The following TENT2 variants were observed in gnomAD, a reference collection of about 807,000 sequenced individuals.
TENT2 encodes terminal nucleotidyltransferase 2.
TENT2 carries 44 observed loss-of-function variants against 72.2 expected under a neutral mutation model. The ratio of observed to expected loss-of-function variants is 0.61; its 90% CI spans 0.48 to 0.78. The LOEUF is 0.78. Among genes scored for constraint, TENT2 ranks in the 30% least tolerant of loss-of-function variants. The pLI is 0.00. For synonymous variants in TENT2, 212 were observed against 192.5 expected (o/e 1.10, Z -0.84); for missense variants, 541 against 569.6 (o/e 0.95, Z 0.51).
intron 12 of TENT2, among the ~76,000 whole-genome samples, chr5:79,678,001 CAGAGT>C (rs1818600378): frequency 1.3e-5 from 2 of 152,080 alleles, no homozygotes; most frequent in African/African-American, 4.8e-5. Flanking sequence ...AACAATAGAG[CAGAGT>C]AGTCTTTCTG....
At chr5:79,623,616 A>G in intron 4 of TENT2, 127 bp downstream of exon 4, 2 of 540,678 alleles carry the variant, frequency 3.7e-6, no homozygotes, top group Admixed American at 3.8e-5. Flanking sequence ...TTAAAGTACT[A>G]TTCAGCCTAA....
intron 9 of TENT2, 101 bp from the exon 10 acceptor site, chr5:79,648,961 G>A (rs35557579): frequency 0.042 from 53,491 of 1,286,394 alleles, 1,376 homozygotes; most frequent in Non-Finnish European, 0.047. Flanking sequence ...AATATACACG[G>A]AGACAGTGTT....
chr5:79,639,143 T>C (rs1782487162), intron 4 of TENT2, among the ~76,000 whole-genome samples: 1 of 145,326 alleles, frequency 6.9e-6, no homozygotes, highest in Admixed American at 6.9e-5. Flanking sequence ...AAAGGACGCC[T>C]TTTTTTTTTT....
chr5:79,675,059 G>C (rs1262506572), intron 12 of TENT2, among the ~76,000 whole-genome samples: 1 of 152,034 alleles, frequency 6.6e-6, no homozygotes, highest in Non-Finnish European at 1.5e-5. Flanking sequence ...AATTCAATAT[G>C]GATAATGTAA....
intron 4 of TENT2, among the ~76,000 whole-genome samples, chr5:79,633,465 A>T: frequency 8.7e-6 from 1 of 114,840 alleles, no homozygotes; most frequent in Admixed American, 1.0e-4. Context: ...TTTGAGACAG[A>T]GTTTCGCTCT....
chr5:79,680,078 A>G (rs935062289), intron 13 of TENT2, among the ~76,000 whole-genome samples: 3 of 152,192 alleles, frequency 2.0e-5, no homozygotes, highest in Admixed American at 6.5e-5. Context: ...AAATTAAATG[A>G]TCTGAAGAAA....
intron 4 of TENT2, among the ~76,000 whole-genome samples, chr5:79,630,792 C>G (rs1774752600): frequency 6.7e-6 from 1 of 148,654 alleles, no homozygotes; most frequent in Non-Finnish European, 1.5e-5. Flanking sequence ...GATCTTTAGC[C>G]TAATAACAGC....
At chr5:79,617,759 C>T (rs1484103077) in intron 1 of TENT2, among the ~76,000 whole-genome samples, 1 of 152,166 alleles carries the variant, frequency 6.6e-6, no homozygotes, top group Non-Finnish European at 1.5e-5. Flanking sequence ...GCATTTCCGT[C>T]AGAGATTTGA....
intron 3 of TENT2, among the ~76,000 whole-genome samples, chr5:79,621,772 A>G (rs1050798888): frequency 2.3e-5 from 3 of 128,874 alleles, no homozygotes; most frequent in African/African-American, 1.1e-4. Context: ...AAAAAAAAAA[A>G]CAAAAAAAAC....
rs1399890049 is a variant in TENT2 at position 79,668,796 on chromosome 5, CTCTT to C, written c.1072-94_1072-91del. The C allele has an allele frequency of 2.9e-6, 4 of 1,391,888 alleles. No individual in the cohort carries two copies. The Admixed American group carries it at 7.0e-5, about 24-fold the overall frequency. 86.2% of individuals were successfully genotyped at this position (1,391,888 alleles called of 1,614,324 possible). A position where few individuals can be genotyped will look rare whatever the true frequency, so the allele number is the denominator to read the frequency against. On this transcript the variant is annotated intron_variant, in intron 11 of 14. Coordinates refer to ENST00000453514, the MANE Select transcript of TENT2 (RefSeq NM_001114394.3). ...TTGCCAAATAGAGTAAATTTCTTCT[CTCTT>C]TTTCAAAGAGGAGCCTAGTTCAGGA...
intron 1 of TENT2, among the ~76,000 whole-genome samples, chr5:79,616,574 T>A (rs572502535): frequency 6.6e-6 from 1 of 152,276 alleles, no homozygotes; most frequent in South Asian, 2.1e-4. Context: ...TGCCTCAGCC[T>A]CCCAAGGGAT....
At chr5:79,631,598 C>G (rs996072758) in intron 4 of TENT2, among the ~76,000 whole-genome samples, 2 of 152,178 alleles carry the variant, frequency 1.3e-5, no homozygotes, top group African/African-American at 4.8e-5. Flanking sequence ...AATAGGAGAA[C>G]AAATGCAAAC....
chr5:79,660,049 A>G (rs945282455), intron 11 of TENT2, among the ~76,000 whole-genome samples: 4 of 152,150 alleles, frequency 2.6e-5, no homozygotes, highest in Non-Finnish European at 5.9e-5. Flanking sequence ...TTAAAATAAG[A>G]GAAAACAGTT....
At chr5:79,624,314 T>C (rs1767567210) in intron 4 of TENT2, among the ~76,000 whole-genome samples, 1 of 152,218 alleles carries the variant, frequency 6.6e-6, no homozygotes, top group Non-Finnish European at 1.5e-5. Context: ...AGCATGGGTC[T>C]GAAACATAGT....
chr5:79,657,220 ATGG>A (rs1580496276), intron 11 of TENT2, among the ~76,000 whole-genome samples: 1 of 152,064 alleles, frequency 6.6e-6, no homozygotes, highest in African/African-American at 2.4e-5. Flanking sequence ...AGTTGTGTTA[ATGG>A]TGGAATTTGT....
chr5:79,678,178 G>A (rs60916143), intron 12 of TENT2, among the ~76,000 whole-genome samples: 2,777 of 151,834 alleles, frequency 0.018, 95 homozygotes, highest in African/African-American at 0.062. Context: ...CCTCTTGATC[G>A]GAACAAAAAT....
chr5:79,613,204 C>A (rs769656538), intron 1 of TENT2, 129 bp downstream of exon 1: 1 of 152,204 alleles, frequency 6.6e-6, no homozygotes, highest in Non-Finnish European at 1.5e-5. Flanking sequence ...GTGTGCGTTT[C>A]TTTTCTTGTT....
intron 10 of TENT2, among the ~76,000 whole-genome samples, chr5:79,654,496 A>G (rs1796494831): frequency 6.6e-6 from 1 of 152,148 alleles, no homozygotes; most frequent in African/African-American, 2.4e-5. Flanking sequence ...ATTAATGAAT[A>G]TTCATGGAAT....
At chr5:79,659,580 A>G (rs1221091016) in intron 11 of TENT2, among the ~76,000 whole-genome samples, 5 of 132,536 alleles carry the variant, frequency 3.8e-5, no homozygotes, top group East Asian at 4.6e-4. Flanking sequence ...ATATATATAT[A>G]TATATATATA....
Sources: gnomAD v4.1 joint callset for allele counts (sites outside exome capture counted in the v4.1 genomes callset) on GRCh38, gnomAD v4.1.1 for gene constraint, MANE v1.5 for transcripts, NCBI Gene and HGNC (gene_info 2026-07-23, HGNC 2026-07-21) for gene names.